PRKN: variants seen among roughly 807,000 people sequenced by gnomAD.
PRKN encodes E3 ubiquitin-protein ligase parkin.
A neutral mutation model predicts 59.5 loss-of-function variants in PRKN; 56 were observed. The ratio of observed to expected loss-of-function variants is 0.94; its 90% CI spans 0.76 to 1.18. PRKN has a LOEUF of 1.18. PRKN is among the 50% of genes most tolerant of loss of function. PRKN has a pLI of 0.00. For synonymous variants in PRKN, 250 were observed against 222.1 expected (o/e 1.13, Z -1.12); for missense variants, 657 against 596.4 (o/e 1.10, Z -1.06).
At chr6:161,586,240 ACTC>A (rs1781517122) in intron 7 of PRKN, among the ~76,000 whole-genome samples, 1 of 151,962 alleles carries the variant, frequency 6.6e-6, no homozygotes, top group African/African-American at 2.4e-5. Flanking sequence ...CTGATCTAGA[ACTC>A]CTGGCTTCAA....
At chr6:162,531,611 C>T (rs1002866956) in intron 1 of PRKN, among the ~76,000 whole-genome samples, 1 of 151,824 alleles carries the variant, frequency 6.6e-6, no homozygotes, top group East Asian at 1.9e-4. Flanking sequence ...TGGGTGGGGC[C>T]AGCTGATCCA....
At chr6:162,447,797 T>C (rs1338526150) in intron 1 of PRKN, among the ~76,000 whole-genome samples, 2 of 152,148 alleles carry the variant, frequency 1.3e-5, no homozygotes, top group African/African-American at 4.8e-5. Flanking sequence ...AAGAGCAATG[T>C]CATTCATCAG....
chr6:162,079,459 T>G (rs1054258414), intron 4 of PRKN, among the ~76,000 whole-genome samples: 1 of 152,162 alleles, frequency 6.6e-6, no homozygotes, highest in Non-Finnish European at 1.5e-5. Context: ...TTTGGATGAC[T>G]GCAGTAACTT....
chr6:161,863,075 G>C (rs1472416405), intron 6 of PRKN, among the ~76,000 whole-genome samples: 1 of 152,088 alleles, frequency 6.6e-6, no homozygotes, highest in African/African-American at 2.4e-5. Context: ...CTCAAAATAA[G>C]CAAAACCTCA....
chr6:162,606,611 A>T (rs1781926685), intron 1 of PRKN, among the ~76,000 whole-genome samples: 1 of 152,230 alleles, frequency 6.6e-6, no homozygotes, highest in African/African-American at 2.4e-5. Context: ...GAAGATGGAG[A>T]GTCACAGATG....
chr6:162,500,066 T>C (rs1460492589), intron 1 of PRKN, among the ~76,000 whole-genome samples: 1 of 152,092 alleles, frequency 6.6e-6, no homozygotes, highest in African/African-American at 2.4e-5. Context: ...ATGGCACTCA[T>C]ATTAGCAAAG....
intron 4 of PRKN, among the ~76,000 whole-genome samples, chr6:162,070,916 C>T (rs561691788): frequency 6.6e-6 from 1 of 152,058 alleles, no homozygotes; most frequent in Admixed American, 6.5e-5. Flanking sequence ...TGCCCTAGGG[C>T]ACAGTAGGTG....
At chr6:162,539,162 A>G (rs997080593) in intron 1 of PRKN, among the ~76,000 whole-genome samples, 2 of 152,184 alleles carry the variant, frequency 1.3e-5, no homozygotes, top group Non-Finnish European at 2.9e-5. Flanking sequence ...ATGTATTTAT[A>G]TTGAGTGTTT....
chr6:162,143,708 G>A (rs1315010873), intron 4 of PRKN, among the ~76,000 whole-genome samples: 1 of 152,160 alleles, frequency 6.6e-6, no homozygotes, highest in Non-Finnish European at 1.5e-5. Flanking sequence ...AAATAGCACA[G>A]GGTATAATGA....
At position 162,013,070 on chromosome 6, in the gene PRKN, A is replaced by T. The variant is rs545049819; in HGVS notation, c.619-39653T>A. On this transcript the variant is annotated intron_variant, in intron 5 of 11. Coordinates refer to ENST00000366898, the MANE Select transcript of PRKN (RefSeq NM_004562.3). ...CCATTGATAATCCCTGCTTGAATCA[A>T]TTATTAGTATGATGGTTGCCAAACT... Among the ~76,000 whole-genome samples the T allele has an allele frequency of 3.9e-5, 6 of 152,232 alleles. No homozygotes were observed. The East Asian group carries it at 1.2e-3, about 29-fold the overall frequency.
chr6:162,271,038 G>A (rs1168490971), intron 2 of PRKN, among the ~76,000 whole-genome samples: 3 of 19,878 alleles, frequency 1.5e-4, no homozygotes, highest in Middle Eastern at 0.038. Flanking sequence ...TTTTTTTTTT[G>A]TAGAGATGGG....
intron 6 of PRKN, among the ~76,000 whole-genome samples, chr6:161,804,157 C>T (rs1391759284): frequency 1.3e-5 from 2 of 152,198 alleles, no homozygotes; most frequent in African/African-American, 4.8e-5. Flanking sequence ...CCCTAACAAT[C>T]ACGAATAATG....
At position 161,818,932 on chromosome 6, in the gene PRKN, GC is replaced by G. The variant is rs200596102; in HGVS notation, c.735-33025del. On this transcript the variant is annotated intron_variant, in intron 6 of 11. Coordinates refer to ENST00000366898, the MANE Select transcript of PRKN (RefSeq NM_004562.3). The stretch of plus-strand genomic sequence containing the variant: ...CGGAGTCAGTGGACAGGTGAAGAGG[GC>G]CTTATCCATCTAACATGTACTGTGG... Among the ~76,000 whole-genome samples, 430 of 152,242 alleles carry G rather than the reference GC, an allele frequency of 2.8e-3. 1 individual carries two copies. The highest frequency in any genetic ancestry group is 9.6e-3 in the African/African-American group (400 of 41,542).
chr6:161,886,297 T>C (rs987690352), intron 6 of PRKN, among the ~76,000 whole-genome samples: 1 of 152,224 alleles, frequency 6.6e-6, no homozygotes, highest in Non-Finnish European at 1.5e-5. Context: ...TTGAGGTTTT[T>C]CATTAATAAT....
intron 3 of PRKN, among the ~76,000 whole-genome samples, 194 bp from the exon 4 acceptor site, chr6:162,201,446 A>G (rs927007681): frequency 3.3e-5 from 5 of 152,206 alleles, no homozygotes; most frequent in African/African-American, 1.2e-4. Context: ...TCCAAGAGTG[A>G]AATCTTTTCT....
chr6:161,877,691 A>T (rs533570732), intron 6 of PRKN, among the ~76,000 whole-genome samples: 1 of 151,870 alleles, frequency 6.6e-6, no homozygotes, highest in African/African-American at 2.4e-5. Flanking sequence ...GATGGTCTTG[A>T]TCTACTGACC....
chr6:161,663,104 T>C (rs1166195944), intron 7 of PRKN, among the ~76,000 whole-genome samples: 1 of 152,228 alleles, frequency 6.6e-6, no homozygotes, highest in Non-Finnish European at 1.5e-5. Flanking sequence ...CCATGGAAGA[T>C]GTGACTTTGC....
chr6:161,648,983 G>A (rs939720561), intron 7 of PRKN, among the ~76,000 whole-genome samples: 1 of 152,138 alleles, frequency 6.6e-6, no homozygotes, highest in Non-Finnish European at 1.5e-5. Flanking sequence ...ACTTTCTTCA[G>A]GGATCCTTAA....
Position 161,401,100 on chromosome 6 carries a change from C to G in PRKN, c.1084-14223G>C, listed in dbSNP as rs180796888. Among the ~76,000 whole-genome samples the G allele has an allele frequency of 8.0e-4, 122 of 152,130 alleles. No individual in the cohort carries two copies. Among genetic ancestry groups the G allele is most frequent in the African/African-American group, 2.8e-3 (118 of 41,506 alleles). On this transcript the variant is annotated intron_variant, in intron 9 of 11. Transcript: ENST00000366898. This position sits in a 1 kb window ranked among gnomAD's most constrained non-coding sequence, Gnocchi z 4.4. ...AATCCACCATTCACGTAAGTTTTGG[C>G]CTGGTGTTATTGCAGTCTCTTAATT...
Sources: allele counts gnomAD v4.1 joint callset (sites outside exome capture counted in the v4.1 genomes callset), GRCh38; gene constraint gnomAD v4.1.1; non-coding constraint Gnocchi (gnomAD v3.1); transcripts MANE v1.5; gene names NCBI Gene and HGNC (gene_info 2026-07-23, HGNC 2026-07-21).